MKLN1: variants seen among roughly 807,000 people sequenced by gnomAD.
MKLN1 encodes muskelin 1.
Under a neutral mutation model 99.0 loss-of-function variants are expected in MKLN1, and 18 were observed. The observed-to-expected ratio is 0.18, with a 90% CI of 0.13 to 0.27. The LOEUF (loss-of-function observed/expected upper bound fraction) is 0.27. MKLN1 is among the 10% of genes least tolerant of loss of function. The probability of loss-of-function intolerance (pLI) is 1.00; values close to 1 mark genes in which losing one functional copy is unlikely to be tolerated. For synonymous variants in MKLN1, 288 were observed against 293.2 expected (o/e 0.98, Z 0.18); for missense variants, 621 against 875.9 (o/e 0.71, Z 3.67).
At chr7:131,486,985 A>C (rs1797299363) in intron 17 of MKLN1, among the ~76,000 whole-genome samples, 1 of 152,166 alleles carries the variant, frequency 6.6e-6, no homozygotes, top group African/African-American at 2.4e-5. Context: ...GGCCTGGTAC[A>C]TAGTAGCATA....
intron 1 of MKLN1, among the ~76,000 whole-genome samples, chr7:131,374,727 G>C (rs1793585786): frequency 1.3e-5 from 2 of 151,886 alleles, no homozygotes; most frequent in Non-Finnish European, 1.5e-5. Context: ...TCACAGTTCT[G>C]CTTTTGATGG....
At chr7:131,205,952 G>A (rs1194477209) in intron 3 of MKLN1, among the ~76,000 whole-genome samples, 1 of 150,062 alleles carries the variant, frequency 6.7e-6, no homozygotes, top group Non-Finnish European at 1.5e-5. Context: ...GGAGCGCAAA[G>A]GCATGATCTC....
At chr7:131,177,294 C>T (rs899772837) in intron 2 of MKLN1, among the ~76,000 whole-genome samples, 2 of 151,956 alleles carry the variant, frequency 1.3e-5, no homozygotes, top group Non-Finnish European at 2.9e-5. Flanking sequence ...AGTGAAACCC[C>T]GTCTCTACTG....
chr7:131,184,242 C>T (rs192846256), intron 2 of MKLN1, among the ~76,000 whole-genome samples: 118 of 152,182 alleles, frequency 7.8e-4, no homozygotes, highest in Admixed American at 2.2e-3. Flanking sequence ...CTCCCAACTC[C>T]GCCTCCCTAG....
chr7:131,452,496 T>A (rs2116555462), intron 12 of MKLN1, among the ~76,000 whole-genome samples: 1 of 151,138 alleles, frequency 6.6e-6, no homozygotes, highest in African/African-American at 2.4e-5. Context: ...ACTGACATTT[T>A]AAAAAATTAG....
intron 3 of MKLN1, chr7:131,309,721 A>ATTTTTTTTTTTTTT (rs59130761): frequency 2.3e-5 from 2 of 87,520 alleles, no homozygotes; most frequent in Non-Finnish European, 4.3e-5. Flanking sequence ...CCACAAGTGG[A>ATTTTTTTTTTTTTT]TTTTTTTTTT....
chr7:131,211,425 T>A (rs1029439773), intron 3 of MKLN1, among the ~76,000 whole-genome samples: 1 of 152,194 alleles, frequency 6.6e-6, no homozygotes, highest in South Asian at 2.1e-4. Context: ...GTCTGCAAAA[T>A]TGCCTTCAAA....
chr7:131,204,807 G>A (rs1025380145), intron 3 of MKLN1, among the ~76,000 whole-genome samples: 5 of 152,136 alleles, frequency 3.3e-5, no homozygotes, highest in African/African-American at 1.2e-4. Flanking sequence ...GGTGGCAGGT[G>A]CCTGTAGTCC....
chr7:131,422,758 G>A (rs916821310), intron 8 of MKLN1, among the ~76,000 whole-genome samples: 1 of 150,100 alleles, frequency 6.7e-6, no homozygotes, highest in African/African-American at 2.4e-5. Context: ...TTCCCATATT[G>A]CTGTCTTCTC....
chr7:131,414,870 CTGTA>C (rs1226355322), intron 8 of MKLN1, among the ~76,000 whole-genome samples, 160 bp downstream of exon 8: 4 of 151,608 alleles, frequency 2.6e-5, no homozygotes, highest in Non-Finnish European at 5.9e-5. Flanking sequence ...TTATGTGTGT[CTGTA>C]TGTGTGTGTA....
intron 1 of MKLN1, among the ~76,000 whole-genome samples, chr7:131,355,874 C>G (rs1259418947): frequency 2.0e-5 from 3 of 151,390 alleles, no homozygotes; most frequent in African/African-American, 7.3e-5. Context: ...AGTATTTTTC[C>G]CATTGATTCT....
At chr7:131,356,062 AT>A (rs375785189) in intron 1 of MKLN1, among the ~76,000 whole-genome samples, 2,199 of 116,174 alleles carry the variant, frequency 0.019, 18 homozygotes, top group African/African-American at 0.042. Context: ...TAGTTCCCCT[AT>A]TTTTTTTTTT....
At chr7:131,475,166 A>G (rs1796930417) in intron 16 of MKLN1, among the ~76,000 whole-genome samples, 2 of 152,214 alleles carry the variant, frequency 1.3e-5, no homozygotes. Flanking sequence ...CCACATCACA[A>G]ATGAAAAGAG....
At chr7:131,115,950 T>C (rs1189775967) in intron 1 of MKLN1, among the ~76,000 whole-genome samples, 1 of 152,148 alleles carries the variant, frequency 6.6e-6, no homozygotes, top group East Asian at 1.9e-4. Flanking sequence ...TCACATACGG[T>C]TGAAAACTCC....
chr7:131,217,040 A>C (rs1796993194), intron 3 of MKLN1, among the ~76,000 whole-genome samples: 1 of 152,210 alleles, frequency 6.6e-6, no homozygotes, highest in Non-Finnish European at 1.5e-5. Flanking sequence ...AGTTGATTTT[A>C]AGCAAAATAA....
At chr7:131,416,525 C>CT (rs71529704) in intron 8 of MKLN1, among the ~76,000 whole-genome samples, 42,018 of 144,366 alleles carry the variant, frequency 0.29, 6,315 homozygotes, top group Admixed American at 0.38. Flanking sequence ...ATTTTTCTTT[C>CT]TTTTTTTTTT....
chr7:131,273,884 G>A (rs1226844175), intron 3 of MKLN1, among the ~76,000 whole-genome samples: 2 of 152,080 alleles, frequency 1.3e-5, no homozygotes, highest in Admixed American at 6.5e-5. Context: ...GGGATTATAG[G>A]TGTGAGCCAC....
intron 2 of MKLN1, among the ~76,000 whole-genome samples, chr7:131,166,685 A>ATGTTT (rs1267621512): frequency 1.4e-4 from 22 of 152,018 alleles, no homozygotes; most frequent in African/African-American, 5.1e-4. Flanking sequence ...TTATTCAAAT[A>ATGTTT]TGTTTTGTTT....
intron 3 of MKLN1, among the ~76,000 whole-genome samples, chr7:131,249,426 G>A (rs1466013372): frequency 6.6e-6 from 1 of 152,250 alleles, no homozygotes; most frequent in Non-Finnish European, 1.5e-5. Flanking sequence ...CTCTGGTAAA[G>A]GATGTACTTA....
Sources: allele counts gnomAD v4.1 joint callset (sites outside exome capture counted in the v4.1 genomes callset), GRCh38; gene constraint gnomAD v4.1.1; transcripts MANE v1.5; gene names NCBI Gene and HGNC (gene_info 2026-07-23, HGNC 2026-07-21).